The following ADAM15 variants were observed in gnomAD, a reference collection of about 807,000 sequenced individuals.
The protein encoded by ADAM15 is ADAM metallopeptidase domain 15.
Under a neutral mutation model 113.8 loss-of-function variants are expected in ADAM15, and 77 were observed. The observed-to-expected ratio is 0.68, with a 90% confidence interval of 0.56 to 0.82. The LOEUF (loss-of-function observed/expected upper bound fraction) is 0.82, where lower values mean the gene tolerates loss of function less well. ADAM15 is among the 40% of genes least tolerant of loss of function. ADAM15 has a pLI of 0.00. For synonymous variants in ADAM15, 388 were observed against 454.1 expected, an observed-to-expected ratio of 0.85 and a Z score of 1.85; for missense variants, 963 against 1,120.1, an observed-to-expected ratio of 0.86 and a Z score of 2.00.
chr1:155,056,548 C>T lies in ADAM15; in HGVS notation c.999+78C>T. The T allele has an allele frequency of 6.9e-7, 1 of 1,446,326 alleles. No homozygotes were observed. The highest frequency in any genetic ancestry group is 9.6e-7 in the Non-Finnish European group (1 of 1,043,608). The allele number at this position is 1,446,326 out of a possible 1,614,324, so 89.6% of individuals were successfully genotyped here. ...TGGTGGCATTTATGCACTGAAACCC[C>T]CCTATAAAGTTGCCCAACCCCAAAG... is the stretch of plus-strand genomic sequence containing the variant. On this transcript the variant is annotated intron_variant, in intron 10 of 22. Coordinates refer to ENST00000356955, the MANE Select transcript of ADAM15 (RefSeq NM_207197.3). The surrounding 1 kb of genome is among the most constrained non-coding windows in gnomAD (Gnocchi z 4.0).
Position 155,058,544 on chromosome 1 carries a change from C to T in ADAM15, c.1917+103C>T. 2.6e-6 allele frequency: 4 copies of T among 1,553,756 alleles called. No homozygotes were observed. The highest frequency in any genetic ancestry group is 3.5e-6 in the Non-Finnish European group (4 of 1,151,828). On this transcript the variant is annotated intron_variant, in intron 15 of 22. Coordinates refer to ENST00000356955, the MANE Select transcript of ADAM15 (RefSeq NM_207197.3). This position sits in a 1 kb window ranked among gnomAD's most constrained non-coding sequence, Gnocchi z 4.3. ...TTCACCAATGTCAAAGGCAGGGACT[C>T]CAAGGGAAGTCAGTTTCTTACTTCA...
In ADAM15 at chr1:155,061,628, G is replaced by A. The variant is rs1014570652; in HGVS notation, c.2352+139G>A. 4.1e-6 allele frequency: 4 copies of A among 978,792 alleles called. No individual in the cohort carries two copies. In the South Asian group the frequency reaches 4.9e-5, roughly 12 times the overall value. The allele number at this position is 978,792 out of a possible 1,614,324, so 60.6% of individuals were successfully genotyped here. The stretch of plus-strand genomic sequence containing the variant: ...GCCCCTCAGCCTTCAGACACTCTGA[G>A]CCCCAGAAGCAGCAAAGGGTGAGCC... On this transcript the variant is annotated intron_variant, in intron 20 of 22. Coordinates refer to ENST00000356955, the MANE Select transcript of ADAM15 (RefSeq NM_207197.3).
rs766868873 is a variant in ADAM15, at chr1:155,058,085, A to G, written c.1651A>G (p.Asn551Asp). The G allele has an allele frequency of 5.0e-6, 8 of 1,614,112 alleles. No individual in the cohort carries two copies. The South Asian group carries it at 7.7e-5, about 16-fold the overall frequency. ...TGCGCCACTTTGCCTCCAGACAGCT[A>G]ATACTCGGGGAAATGCTTTTGGGAG... ...PAAPLCLQTA[N>D]TRGNAFGSCG... Residue 551 changes from asparagine (N) to aspartate (D), a missense_variant, in exon 14 of 23, where the codon AAT becomes GAT. Asn to Asp is a conservative substitution (Grantham distance 23). Coordinates refer to ENST00000356955, the MANE Select transcript of ADAM15 (RefSeq NM_207197.3). The surrounding 1 kb of genome is among the most constrained non-coding windows in gnomAD (Gnocchi z 4.3).
chr1:155,052,176 G>C (rs780871945), intron 1 of ADAM15: 1 of 277,868 alleles, frequency 3.6e-6, no homozygotes, highest in African/African-American at 2.2e-5. Context: ...TGTAGGCAGC[G>C]GGTGTGCCTG....
chr1:155,059,522 G>A (rs1662265031), intron 16 of ADAM15, among the ~76,000 whole-genome samples: 1 of 152,164 alleles, frequency 6.6e-6, no homozygotes, highest in East Asian at 1.9e-4. Flanking sequence ...CCAGCTACTT[G>A]GGAGGCTGAG....
chr1:155,052,328 C>G, intron 1 of ADAM15: 7 of 610,000 alleles, frequency 1.1e-5, no homozygotes, highest in Non-Finnish European at 2.7e-6. Context: ...CGAGAGGGGG[C>G]GTTCCTGAAG....
At position 155,056,214 on chromosome 1, in the gene ADAM15, GCCT is replaced by G. The variant is rs1303665075; in HGVS notation, c.881_883del (p.Pro294del). The G allele has an allele frequency of 3.1e-6, 5 of 1,613,872 alleles. No individual in the cohort carries two copies. Among genetic ancestry groups the G allele is most frequent in the Non-Finnish European group, 3.4e-6 (4 of 1,180,050 alleles). On this transcript the variant is annotated inframe_deletion, in exon 9 of 23. Transcript: ENST00000356955. The surrounding 1 kb of genome is among the most constrained non-coding windows in gnomAD (Gnocchi z 4.0). ...TCCACTGGCGCAGGGCACATTTGCT[GCCT>G]CGATTGCCCCATGACAGTGCCCAGC...
Position 155,058,851 on chromosome 1 carries a change from G to C in ADAM15, c.1995+64G>C. 6.6e-7 allele frequency: 1 copy of C among 1,519,602 alleles called. No individual in the cohort carries two copies. The highest frequency in any genetic ancestry group is 8.8e-7 in the Non-Finnish European group (1 of 1,133,354). 94.1% of individuals were successfully genotyped at this position (1,519,602 alleles called of 1,614,324 possible). A position where few individuals can be genotyped will look rare whatever the true frequency, so the allele number is the denominator to read the frequency against. On this transcript the variant is annotated intron_variant, in intron 16 of 22. Coordinates refer to ENST00000356955, the MANE Select transcript of ADAM15 (RefSeq NM_207197.3). This position sits in a 1 kb window ranked among gnomAD's most constrained non-coding sequence, Gnocchi z 4.3. Reference sequence around the variant, plus strand: ...CCTCTAGAGAGGAAAAGGATACTGGGCTTTGGAAATAGACATATCTGGGTT... The same window carrying C: ...CCTCTAGAGAGGAAAAGGATACTGGCCTTTGGAAATAGACATATCTGGGTT...
rs747326694 is a variant in ADAM15 at position 155,057,306 on chromosome 1, T to A, written c.1267T>A (p.Phe423Ile). 1.9e-6 allele frequency: 3 copies of A among 1,614,082 alleles called. No homozygotes were observed. Among genetic ancestry groups the A allele is most frequent in the Admixed American group, 3.3e-5 (2 of 60,000 alleles). The change falls in exon 12 of 23, where the codon TTC becomes ATC. Residue 423 changes from phenylalanine (F) to isoleucine (I), a missense_variant. Transcript: ENST00000356955. This position sits in a 1 kb window ranked among gnomAD's most constrained non-coding sequence, Gnocchi z 5.0. ...GCCTAGCCTACCCCCTATGGCTGCT[T>A]TCTGCGGAAATATGTTTGTGGAGCC... ...RLPSLPPMAAFCGNMFVEPGE... is the reference protein window; with the variant it reads ...RLPSLPPMAAICGNMFVEPGE...
rs1156339327 is a variant in ADAM15 at position 155,060,388 on chromosome 1, A to AGTGCTGAAGGCTGC, written c.2207+46_2207+59dup. The AGTGCTGAAGGCTGC allele has an allele frequency of 3.1e-6, 5 of 1,603,680 alleles. No individual in the cohort carries two copies. The African/African-American group carries it at 6.7e-5, about 21-fold the overall frequency. ...GCTACCACTTCCTTCAACTGGGGAC[A>AGTGCTGAAGGCTGC]GTGCTGAAGGCTGCCTCACCTCTGC... On this transcript the variant is annotated intron_variant, in intron 18 of 22. Transcript: ENST00000356955.
rs747671542 is a variant in ADAM15 at position 155,056,508 on chromosome 1, A to T, written c.999+38A>T. On this transcript the variant is annotated intron_variant, in intron 10 of 22. Coordinates refer to ENST00000356955, the MANE Select transcript of ADAM15 (RefSeq NM_207197.3). This position sits in a 1 kb window ranked among gnomAD's most constrained non-coding sequence, Gnocchi z 4.0. ...CAGGTCTCCTCCTCATTCCCAATTCAGTTCCTCCCAAGTGTGGTGGCATTT... is the reference window on the plus strand; with the variant it reads ...CAGGTCTCCTCCTCATTCCCAATTCTGTTCCTCCCAAGTGTGGTGGCATTT... 1.3e-6 allele frequency: 2 copies of T among 1,592,864 alleles called. No individual in the cohort carries two copies. The highest frequency in any genetic ancestry group is 1.7e-6 in the Non-Finnish European group (2 of 1,161,970).
rs1156553028 is a variant in ADAM15 at position 155,058,438 on chromosome 1, C to A, written c.1914C>A (p.Gly638=). Residue 638 remains glycine, a synonymous_variant, in exon 15 of 23, where the codon GGC becomes GGA. Coordinates refer to ENST00000356955, the MANE Select transcript of ADAM15 (RefSeq NM_207197.3). The surrounding 1 kb of genome is among the most constrained non-coding windows in gnomAD (Gnocchi z 4.3). ...LTLPGTACGP[G]LVCIDHRCQR... is the part of the protein sequence containing the mutation. ...TGCCTGGCACAGCCTGTGGCCCTGGCCTGGTGAGCAGCCTGGGTGGGCAAG... is the reference window on the plus strand; with the variant it reads ...TGCCTGGCACAGCCTGTGGCCCTGGACTGGTGAGCAGCCTGGGTGGGCAAG... 1 of 1,611,146 alleles carries A rather than the reference C, an allele frequency of 6.2e-7. No homozygotes were observed.
rs764716804 is a variant in ADAM15 at position 155,053,590 on chromosome 1, C to T, written c.263+97C>T. The T allele has an allele frequency of 5.5e-5, 68 of 1,245,206 alleles. 1 individual carries two copies. The Middle Eastern group carries it at 5.6e-4, about 10-fold the overall frequency. 77.1% of individuals were successfully genotyped at this position (1,245,206 alleles called of 1,614,324 possible). A position where few individuals can be genotyped will look rare whatever the true frequency, so the allele number is the denominator to read the frequency against. ...ACTAAGTGCTTGTGCTCATTTAATC[C>T]TCATAACAGCCCTATAAGGGATATA... On this transcript the variant is annotated intron_variant, in intron 3 of 22. Coordinates refer to ENST00000356955, the MANE Select transcript of ADAM15 (RefSeq NM_207197.3).
At position 155,057,564 on chromosome 1, in the gene ADAM15, A is replaced by C. The variant is rs910428401; in HGVS notation, c.1324-73A>C. On this transcript the variant is annotated intron_variant, in intron 12 of 22. Transcript: ENST00000356955. This position sits in a 1 kb window ranked among gnomAD's most constrained non-coding sequence, Gnocchi z 5.0. ...GTAGCTTCTGGTCTTGGCCTGTGGG[A>C]GGAGGAGAGATTGGAGGGAGGCTCA... The C allele has an allele frequency of 8.7e-5, 136 of 1,567,080 alleles. No homozygotes were observed. Among genetic ancestry groups the C allele is most frequent in the Non-Finnish European group, 1.1e-4 (127 of 1,139,622 alleles).
chr1:155,057,325 T>C lies in ADAM15; in HGVS notation c.1286T>C (p.Val429Ala), dbSNP rs778230220. The C allele has an allele frequency of 1.9e-6, 3 of 1,614,214 alleles. No homozygotes were observed. The highest frequency in any genetic ancestry group is 2.5e-6 in the Non-Finnish European group (3 of 1,180,024). Residue 429 changes from valine to alanine, a missense_variant, in exon 12 of 23, where the codon GTG becomes GCG. Transcript: ENST00000356955. This position sits in a 1 kb window ranked among gnomAD's most constrained non-coding sequence, Gnocchi z 5.0. Reference protein sequence around the residue: ...PMAAFCGNMFVEPGEQCDCGF... With the variant: ...PMAAFCGNMFAEPGEQCDCGF... ...GCTGCTTTCTGCGGAAATATGTTTG[T>C]GGAGCCGGGCGAGCAGTGTGACTGT...
At position 155,060,774 on chromosome 1, in the gene ADAM15, C is replaced by A. The variant is rs200056227; in HGVS notation, c.2219C>A (p.Ser740Tyr). ...GPTCQYRAAQ[S>Y]GPSERPGPPQ... Reference sequence around the variant, plus strand: ...TTCCTCATGCATAGGGCAGCCCAATCTGGTCCCTCTGAACGGCCAGGACCT... The same window carrying A: ...TTCCTCATGCATAGGGCAGCCCAATATGGTCCCTCTGAACGGCCAGGACCT... The change falls in exon 19 of 23, where the codon TCT (serine) becomes TAT (tyrosine). Residue 740 changes from serine (S) to tyrosine (Y), a missense_variant. Coordinates refer to ENST00000356955, the MANE Select transcript of ADAM15 (RefSeq NM_207197.3). 1 of 1,613,820 alleles carries A rather than the reference C, an allele frequency of 6.2e-7. No homozygotes were observed. The highest frequency in any genetic ancestry group is 1.1e-5 in the South Asian group (1 of 91,086).
At position 155,055,870 on chromosome 1, in the gene ADAM15, T is replaced by C. The variant is rs768885224; in HGVS notation, c.675+18T>C. ...ACTCGGAGGTGAGCCTGCTGGCCCC[T>C]GCACATCCTCCTCCCCCTGCACTGC... On this transcript the variant is annotated intron_variant, in intron 7 of 22. Coordinates refer to ENST00000356955, the MANE Select transcript of ADAM15 (RefSeq NM_207197.3). The C allele has an allele frequency of 6.2e-7, 1 of 1,614,214 alleles. No individual in the cohort carries two copies. The highest frequency in any genetic ancestry group is 1.7e-5 in the Admixed American group (1 of 60,026).
At position 155,058,752 on chromosome 1, in the gene ADAM15, G is replaced by A. The variant is rs769210742; in HGVS notation, c.1960G>A (p.Ala654Thr). ...HRCQRVDLLG[A>T]QECRSKCHGH... ...ATGCCAGCGTGTGGATCTCCTGGGG[G>A]CACAGGAATGTCGAAGCAAATGCCA... The change falls in exon 16 of 23, where the codon GCA (alanine) becomes ACA (threonine). Residue 654 changes from alanine (A) to threonine (T), a missense_variant. Coordinates refer to ENST00000356955, the MANE Select transcript of ADAM15 (RefSeq NM_207197.3). The surrounding 1 kb of genome is among the most constrained non-coding windows in gnomAD (Gnocchi z 4.3). 3.1e-6 allele frequency: 5 copies of A among 1,611,010 alleles called. No homozygotes were observed. The highest frequency in any genetic ancestry group is 2.2e-5 in the East Asian group (1 of 44,726).
At chr1:155,060,638 A>C in intron 18 of ADAM15, 125 bp from the exon 19 acceptor site, 3 of 1,112,716 alleles carry the variant, frequency 2.7e-6, no homozygotes, top group South Asian at 1.3e-5. Flanking sequence ...CCCCGGCCCT[A>C]CCACAATTTT....
Sources: gnomAD v4.1 joint callset for allele counts (sites outside exome capture counted in the v4.1 genomes callset) on GRCh38, gnomAD v4.1.1 for gene constraint, Gnocchi (gnomAD v3.1) non-coding constraint, MANE v1.5 for transcripts, NCBI Gene and HGNC (gene_info 2026-07-23, HGNC 2026-07-21) for gene names.